Variants in ADAM23 observed in about 807,000 individuals in gnomAD.
ADAM23 encodes the protein disintegrin and metalloproteinase domain-containing protein 23.
In ADAM23, 33 loss-of-function variants were observed where a neutral mutation model predicts 120.1. That is an observed-to-expected ratio of 0.27 (90% CI 0.21 to 0.37). The LOEUF is 0.37. Among genes scored for constraint, ADAM23 ranks in the 10% least tolerant of loss-of-function variants. The probability of loss-of-function intolerance (pLI) is 1.00; values close to 1 mark genes in which losing one functional copy is unlikely to be tolerated. For missense variants in ADAM23, 862 were observed against 1,058.2 expected (o/e 0.81, Z 2.57); for synonymous variants, 367 against 375.2 (o/e 0.98, Z 0.25).
intron 2 of ADAM23, among the ~76,000 whole-genome samples, chr2:206,459,454 C>G (rs1695368098): frequency 1.3e-5 from 2 of 152,310 alleles, no homozygotes; most frequent in Middle Eastern, 3.4e-3. Flanking sequence ...TGTCTGCCAT[C>G]AGATCTTAAA....
chr2:206,444,439 A>G (rs1695034350), intron 1 of ADAM23, among the ~76,000 whole-genome samples: 1 of 152,168 alleles, frequency 6.6e-6, no homozygotes, highest in African/African-American at 2.4e-5. Flanking sequence ...CTTAATGTGA[A>G]TGCGGGGAGG....
At chr2:206,548,796 G>T (rs1697452787) in intron 8 of ADAM23, among the ~76,000 whole-genome samples, 1 of 152,132 alleles carries the variant, frequency 6.6e-6, no homozygotes, top group East Asian at 1.9e-4. Context: ...ATTACTTTCA[G>T]ATTAAAAACT....
intron 2 of ADAM23, among the ~76,000 whole-genome samples, chr2:206,460,421 C>T (rs1487009675): frequency 6.6e-6 from 1 of 152,120 alleles, no homozygotes; most frequent in Non-Finnish European, 1.5e-5. Context: ...AAAATATTAG[C>T]CACTCTAATG....
chr2:206,574,831 G>A (rs1298951438), intron 18 of ADAM23, among the ~76,000 whole-genome samples: 11 of 152,000 alleles, frequency 7.2e-5, no homozygotes, highest in South Asian at 6.2e-4. Context: ...TTTACATAAT[G>A]TTTATGTTTT....
chr2:206,603,284 G>A (rs1698672885), intron 24 of ADAM23, among the ~76,000 whole-genome samples: 1 of 152,114 alleles, frequency 6.6e-6, no homozygotes, highest in South Asian at 2.1e-4. Flanking sequence ...CCACCCACCC[G>A]TGAGCTACTC....
chr2:206,506,667 C>T (rs957315020), intron 3 of ADAM23, among the ~76,000 whole-genome samples: 1 of 152,050 alleles, frequency 6.6e-6, no homozygotes, highest in African/African-American at 2.4e-5. Flanking sequence ...TGGATTTTAC[C>T]TTTTAGATTG....
Position 206,620,023 on chromosome 2 carries a change from C to T in ADAM23, c.*2396C>T, listed in dbSNP as rs1045790498. 6.6e-6 allele frequency: 1 copy of T among 152,186 alleles called. No homozygotes were observed. The highest frequency in any genetic ancestry group is 2.4e-5 in the African/African-American group (1 of 41,442). The allele number at this position is 152,186 out of a possible 1,614,324, so 9.4% of individuals were successfully genotyped here. On this transcript the variant is annotated 3_prime_UTR_variant, in exon 26 of 26. Coordinates refer to ENST00000264377, the MANE Select transcript of ADAM23 (RefSeq NM_003812.4). The stretch of plus-strand genomic sequence containing the variant: ...GGTATCTTTTCCTGTTGCTGCATTG[C>T]TTAGTGTTTCCTTGTTGCTGGGTCC...
intron 9 of ADAM23, among the ~76,000 whole-genome samples, chr2:206,552,851 A>G (rs1697560883): frequency 6.7e-6 from 1 of 149,386 alleles, no homozygotes; most frequent in African/African-American, 2.5e-5. Flanking sequence ...TTTTTTTTGT[A>G]GAAACTGGGT....
intron 3 of ADAM23, among the ~76,000 whole-genome samples, chr2:206,489,758 G>A (rs1031677321): frequency 6.6e-6 from 1 of 152,162 alleles, no homozygotes; most frequent in Non-Finnish European, 1.5e-5. Context: ...CTCCTTCACC[G>A]TGGCTGCTGT....
chr2:206,547,446 A>G lies in ADAM23; in HGVS notation c.738A>G (p.Pro246=). The G allele has an allele frequency of 6.2e-7, 1 of 1,613,034 alleles. No homozygotes were observed. The highest frequency in any genetic ancestry group is 1.1e-5 in the South Asian group (1 of 90,852). ...TGTTTCAGAAAAGCACAGGTCGACC[A>G]CATATAATCCAGAAAACCTTGGCAG... ...LVHDEKSTGR[P]HIIQKTLAGQ... is the part of the protein sequence containing the mutation. The change falls in exon 7 of 26, where the codon CCA becomes CCG. Residue 246 remains proline, a synonymous_variant. Coordinates refer to ENST00000264377, the MANE Select transcript of ADAM23 (RefSeq NM_003812.4).
At chr2:206,481,175 A>T in intron 2 of ADAM23, 57 bp from the exon 3 acceptor site, 1 of 1,323,016 alleles carries the variant, frequency 7.6e-7, no homozygotes, top group Admixed American at 2.2e-5. Context: ...CTTGATAATA[A>T]TCTGTCTTAA....
intron 18 of ADAM23, among the ~76,000 whole-genome samples, chr2:206,575,160 TAGTG>T (rs1285672770): frequency 1.3e-5 from 2 of 152,058 alleles, no homozygotes; most frequent in Non-Finnish European, 2.9e-5. Flanking sequence ...TGTCAGTAAA[TAGTG>T]AGTACAGAAG....
chr2:206,479,590 C>T (rs950372530), intron 2 of ADAM23, among the ~76,000 whole-genome samples: 5 of 152,108 alleles, frequency 3.3e-5, no homozygotes, highest in Admixed American at 1.3e-4. Flanking sequence ...CTTCAAGGTA[C>T]AGAATGAATT....
In ADAM23 at chr2:206,525,493, C is replaced by T. The variant is rs546750804; in HGVS notation, c.510-5392C>T. 2.4e-4 allele frequency among the ~76,000 whole-genome samples: 37 copies of T among 152,298 alleles called. No individual in the cohort carries two copies. In the South Asian group the frequency reaches 3.9e-3, roughly 16 times the overall value. On this transcript the variant is annotated intron_variant, in intron 3 of 25. Coordinates refer to ENST00000264377, the MANE Select transcript of ADAM23 (RefSeq NM_003812.4). The stretch of plus-strand genomic sequence containing the variant: ...TAGCCCAAGGCCCAGTTAGCCACGT[C>T]GTCTTGTTCTGAACAATTGTTTTCT...
intron 18 of ADAM23, among the ~76,000 whole-genome samples, chr2:206,583,282 G>A (rs1338766501): frequency 6.6e-6 from 1 of 152,058 alleles, no homozygotes; most frequent in Admixed American, 6.6e-5. Flanking sequence ...GTGAAACCCC[G>A]TCTCTACTAA....
chr2:206,542,494 T>A (rs533659670), intron 5 of ADAM23, among the ~76,000 whole-genome samples: 1 of 152,204 alleles, frequency 6.6e-6, no homozygotes, highest in East Asian at 1.9e-4. Context: ...AGGCCTTAGA[T>A]CTAAGAAACT....
intron 4 of ADAM23, among the ~76,000 whole-genome samples, chr2:206,533,691 C>G (rs886127665): frequency 1.5e-4 from 23 of 152,192 alleles, no homozygotes; most frequent in African/African-American, 5.3e-4. Context: ...CTAGGTTTTC[C>G]CATTTCACCA....
chr2:206,521,996 G>A (rs1343673304), intron 3 of ADAM23, among the ~76,000 whole-genome samples: 3 of 152,082 alleles, frequency 2.0e-5, no homozygotes, highest in Non-Finnish European at 4.4e-5. Context: ...TAGTGCAGCT[G>A]TAGGTTGGTG....
intron 3 of ADAM23, among the ~76,000 whole-genome samples, chr2:206,513,079 C>T (rs1361319079): frequency 6.6e-6 from 1 of 152,078 alleles, no homozygotes; most frequent in Non-Finnish European, 1.5e-5. Context: ...CTCCTTATTC[C>T]ATGAAACACA....
Sources: gnomAD v4.1 joint callset for allele counts (sites outside exome capture counted in the v4.1 genomes callset) on GRCh38, gnomAD v4.1.1 for gene constraint, MANE v1.5 for transcripts, NCBI Gene and HGNC (gene_info 2026-07-23, HGNC 2026-07-21) for gene names.